Variants in PRSS58 observed in about 807,000 individuals in gnomAD.
PRSS58 encodes serine protease 58.
A neutral mutation model predicts 25.0 loss-of-function variants in PRSS58; 31 were observed. That is an observed-to-expected ratio of 1.24 (90% CI 0.93 to 1.67). The LOEUF is 1.67. Among genes scored for constraint, PRSS58 ranks in the 40% most tolerant of loss-of-function variants. PRSS58 has a pLI of 0.00. For missense variants in PRSS58, 324 were observed against 287.9 expected, an observed-to-expected ratio of 1.13 and a Z score of -0.91; for synonymous variants, 119 against 106.1, an observed-to-expected ratio of 1.12 and a Z score of -0.75.
intron 4 of PRSS58, among the ~76,000 whole-genome samples, chr7:142,253,669 A>C (rs534303489): frequency 6.6e-6 from 1 of 152,328 alleles, no homozygotes; most frequent in Non-Finnish European, 1.5e-5. Context: ...AAAATGTATA[A>C]GATCCTTCAC....
intron 4 of PRSS58, among the ~76,000 whole-genome samples, chr7:142,253,435 A>G (rs1798500848): frequency 6.6e-6 from 1 of 152,212 alleles, no homozygotes; most frequent in African/African-American, 2.4e-5. Context: ...TCTTTGTATC[A>G]ATAGTCCACA....
In PRSS58 at chr7:142,257,667, C is replaced by G; in HGVS notation, c.40+1G>C. ...AAAGAGACAAATATGCACACACTCA[C>G]CAGTCAGATTCAAGAGAGCCCAGAG... On this transcript the variant is annotated splice_donor_variant, in intron 2 of 5. Coordinates refer to ENST00000547058, the MANE Select transcript of PRSS58 (RefSeq NM_001001317.5). LOFTEE classifies it high-confidence loss of function. 6.2e-7 allele frequency: 1 copy of G among 1,611,932 alleles called. No individual in the cohort carries two copies. Among genetic ancestry groups the G allele is most frequent in the Non-Finnish European group, 8.5e-7 (1 of 1,178,134 alleles).
chr7:142,255,634 G>T lies in PRSS58; in HGVS notation c.80C>A (p.Thr27Asn). ...TTTCAAATAGACCAAGTAAGGGGGA[G>T]TGGAGCTGACTGTGTAATCTGGATT... ...AFNPDYTVSSTPPYLVYLKSD... is the reference protein window; with the variant it reads ...AFNPDYTVSSNPPYLVYLKSD... Residue 27 changes from threonine to asparagine, a missense_variant, in exon 3 of 6, where the codon ACT becomes AAT. Thr to Asn is a moderately conservative substitution (Grantham distance 65). Coordinates refer to ENST00000547058, the MANE Select transcript of PRSS58 (RefSeq NM_001001317.5). 6.2e-7 allele frequency: 1 copy of T among 1,613,930 alleles called. No homozygotes were observed. The highest frequency in any genetic ancestry group is 1.1e-5 in the South Asian group (1 of 91,042).
chr7:142,254,789 A>G (rs943849584), intron 4 of PRSS58, among the ~76,000 whole-genome samples: 1 of 152,232 alleles, frequency 6.6e-6, no homozygotes, highest in African/African-American at 2.4e-5. Context: ...CTGCTGTCAC[A>G]TAGAAAATTA....
chr7:142,252,234 A>G lies in PRSS58; in HGVS notation c.713T>C (p.Ile238Thr). 1 of 1,611,906 alleles carries G rather than the reference A, an allele frequency of 6.2e-7. No individual in the cohort carries two copies. The highest frequency in any genetic ancestry group is 8.5e-7 in the Non-Finnish European group (1 of 1,179,218). Reference sequence around the variant, plus strand: ...AACTGCCACAGCTCAGTTATTTTGGATTACATTTTCAATCCAGGGTATATA... The same window carrying G: ...AACTGCCACAGCTCAGTTATTTTGGGTTACATTTTCAATCCAGGGTATATA... ...FYYIPWIENV[I>T]QNN The change falls in exon 6 of 6, where the codon ATC becomes ACC. Residue 238 changes from isoleucine (I) to threonine (T), a missense_variant. Physicochemically the swap from Ile to Thr is moderately conservative, Grantham distance 89. Coordinates refer to ENST00000547058, the MANE Select transcript of PRSS58 (RefSeq NM_001001317.5).
At chr7:142,252,884 C>T (rs10262675) in intron 4 of PRSS58, among the ~76,000 whole-genome samples, 106,634 of 152,184 alleles carry the variant, frequency 0.7, 38,008 homozygotes, top group East Asian at 0.99. Flanking sequence ...AACACTTTGT[C>T]TTAAACTTTT....
At chr7:142,257,595 C>T (rs1798579224) in intron 2 of PRSS58, 73 bp downstream of exon 2, 3 of 1,298,028 alleles carry the variant, frequency 2.3e-6, no homozygotes, top group South Asian at 1.2e-5. Flanking sequence ...ATGCCTCTCG[C>T]TGTTACCCGT....
chr7:142,257,470 G>A (rs1368060225), intron 2 of PRSS58, among the ~76,000 whole-genome samples, 198 bp downstream of exon 2: 3 of 152,138 alleles, frequency 2.0e-5, no homozygotes, highest in Non-Finnish European at 4.4e-5. Context: ...TCCCACAAAA[G>A]CACACAAGCA....
chr7:142,256,085 A>C (rs1218429529), intron 2 of PRSS58, among the ~76,000 whole-genome samples: 2 of 152,200 alleles, frequency 1.3e-5, no homozygotes, highest in African/African-American at 4.8e-5. Flanking sequence ...AGACAGAATT[A>C]TATAAGTATC....
chr7:142,255,110 G>C lies in PRSS58; in HGVS notation c.381C>G (p.Ile127Met), dbSNP rs1053677407. 1 of 1,614,024 alleles carries C rather than the reference G, an allele frequency of 6.2e-7. No homozygotes were observed. The highest frequency in any genetic ancestry group is 8.5e-7 in the Non-Finnish European group (1 of 1,179,912). ...VKLANLPYQT[I>M]SENTMCSVST... is the part of the protein sequence containing the mutation. ...AGACAGAGCACATGGTATTTTCAGA[G>C]ATAGTTTGGTAGGGCAGGTTGGCTA... is the stretch of plus-strand genomic sequence containing the variant. Residue 127 changes from isoleucine (I) to methionine (M), a missense_variant, in exon 4 of 6, where the codon ATC (isoleucine) becomes ATG (methionine). Physicochemically the swap from Ile to Met is conservative, Grantham distance 10. Transcript: ENST00000547058.
chr7:142,257,922 G>C, intron 1 of PRSS58, 69 bp downstream of exon 1: 1 of 563,418 alleles, frequency 1.8e-6, no homozygotes, highest in Non-Finnish European at 3.1e-6. Context: ...CAAGTGATTG[G>C]TCCCCAATAC....
chr7:142,252,859 C>T (rs1798492941), intron 4 of PRSS58, among the ~76,000 whole-genome samples: 1 of 152,146 alleles, frequency 6.6e-6, no homozygotes, highest in Non-Finnish European at 1.5e-5. Context: ...GTGAGACACT[C>T]CAGGAATGAA....
intron 5 of PRSS58, 28 bp from the exon 6 acceptor site, chr7:142,252,398 C>T (rs1338833550): frequency 6.2e-7 from 1 of 1,608,994 alleles, no homozygotes. Flanking sequence ...ATAACAACAA[C>T]AAAAAAGCAG....
chr7:142,255,355 C>G (rs747693336), intron 3 of PRSS58, 44 bp from the exon 4 acceptor site: 1 of 1,599,444 alleles, frequency 6.3e-7, no homozygotes, highest in Non-Finnish European at 8.5e-7. Context: ...ACAGAGATGG[C>G]TTCTCCATCA....
At position 142,252,612 on chromosome 7, in the gene PRSS58, C is replaced by A. The variant is rs937214100; in HGVS notation, c.437-1G>T. ...GTTTGCAGTGAATCGGGCTCTTTGT[C>A]TAAAGAAAAGATAGAAGTCAAACTT... is the stretch of plus-strand genomic sequence containing the variant. On this transcript the variant is annotated splice_acceptor_variant, in intron 4 of 5. Coordinates refer to ENST00000547058, the MANE Select transcript of PRSS58 (RefSeq NM_001001317.5). LOFTEE classifies it high-confidence loss of function. 1 of 1,604,720 alleles carries A rather than the reference C, an allele frequency of 6.2e-7. No individual in the cohort carries two copies. Among genetic ancestry groups the A allele is most frequent in the Non-Finnish European group, 8.5e-7 (1 of 1,177,904 alleles).
At position 142,255,290 on chromosome 7, in the gene PRSS58, C is replaced by A. The variant is rs1300793340; in HGVS notation, c.201G>T (p.Gly67=). Residue 67 remains glycine (G), a synonymous_variant, in exon 4 of 6, where the codon GGG becomes GGT. Transcript: ENST00000547058. ...CATTAGAGTCTGCTGGGATTGTAAC[C>A]CCCAATATCACCCGAAGCTTTCTGG... is the stretch of plus-strand genomic sequence containing the variant. The part of the protein sequence containing the change: ...CNLPKLRVIL[G]VTIPADSNEK... 8.7e-6 allele frequency: 14 copies of A among 1,613,692 alleles called. No individual in the cohort carries two copies. In the Admixed American group the frequency reaches 1.8e-4, roughly 21 times the overall value.
chr7:142,253,260 A>C (rs1798499150), intron 4 of PRSS58, among the ~76,000 whole-genome samples: 1 of 152,208 alleles, frequency 6.6e-6, no homozygotes, highest in Admixed American at 6.5e-5. Flanking sequence ...AGTTTGAATG[A>C]ATTTACAGAT....
rs1157689967 is a variant in PRSS58, at chr7:142,255,266, A to C, written c.225T>G (p.Asn75Lys). 6.2e-7 allele frequency: 1 copy of C among 1,614,016 alleles called. No homozygotes were observed. Among genetic ancestry groups the C allele is most frequent in the Non-Finnish European group, 8.5e-7 (1 of 1,179,912 alleles). Residue 75 changes from asparagine to lysine, a missense_variant, in exon 4 of 6, where the codon AAT becomes AAG. Asn to Lys is a moderately conservative substitution (Grantham distance 94). Coordinates refer to ENST00000547058, the MANE Select transcript of PRSS58 (RefSeq NM_001001317.5). Reference protein sequence around the residue: ...ILGVTIPADSNEKHLQVIGYE... With the variant: ...ILGVTIPADSKEKHLQVIGYE... The stretch of plus-strand genomic sequence containing the variant: ...AGCCAATCACTTGCAGATGCTTTTC[A>C]TTAGAGTCTGCTGGGATTGTAACCC...
intron 1 of PRSS58, 70 bp downstream of exon 1, chr7:142,257,921 G>T (rs144596570): frequency 5.3e-6 from 3 of 563,562 alleles, no homozygotes; most frequent in African/African-American, 3.8e-5. Context: ...TCAAGTGATT[G>T]GTCCCCAATA....
Sources: allele counts gnomAD v4.1 joint callset (sites outside exome capture counted in the v4.1 genomes callset), GRCh38; gene constraint gnomAD v4.1.1; transcripts MANE v1.5; gene names NCBI Gene and HGNC (gene_info 2026-07-23, HGNC 2026-07-21).